Variants in DIAPH2 observed in about 807,000 individuals in gnomAD.
The protein encoded by DIAPH2 is diaphanous related formin 2, also known as protein diaphanous homolog 2.
A neutral mutation model predicts 92.7 loss-of-function variants in DIAPH2; 35 were observed. That is an observed-to-expected ratio of 0.38 (90% CI 0.29 to 0.50). The LOEUF (loss-of-function observed/expected upper bound fraction) is 0.50. Among genes scored for constraint, DIAPH2 ranks in the 20% least tolerant of loss-of-function variants. The probability of loss-of-function intolerance (pLI) is 0.94; values close to 1 mark genes in which losing one functional copy is unlikely to be tolerated. For synonymous variants in DIAPH2, 301 were observed against 280.4 expected (o/e 1.07, Z -0.73); for missense variants, 701 against 819.5 (o/e 0.86, Z 1.77).
chrX:96,813,839 T>G (rs944053899), intron 4 of DIAPH2, among the ~76,000 whole-genome samples: 7 of 112,058 alleles, frequency 6.2e-5, no homozygotes, highest in South Asian at 7.4e-4. Context: ...TTTAAGACTT[T>G]TGAATATTGG....
intron 13 of DIAPH2, among the ~76,000 whole-genome samples, chrX:96,945,138 A>G (rs1341363486): frequency 9.0e-6 from 1 of 110,854 alleles, no homozygotes. Flanking sequence ...TTGTAGGACA[A>G]TTTTGAATCT....
intron 19 of DIAPH2, among the ~76,000 whole-genome samples, chrX:97,075,989 A>G (rs981750902): frequency 1.2e-4 from 13 of 111,569 alleles, no homozygotes; most frequent in African/African-American, 3.6e-4. Context: ...CTAAACCTCT[A>G]TTTTCTCATT....
chrX:96,999,937 C>T (rs999914691), intron 17 of DIAPH2, among the ~76,000 whole-genome samples: 5 of 111,525 alleles, frequency 4.5e-5, no homozygotes, highest in Non-Finnish European at 7.5e-5. Flanking sequence ...TGCTTGCTGC[C>T]GTGTAAGACA....
chrX:96,745,548 T>C (rs1371639488), intron 3 of DIAPH2, among the ~76,000 whole-genome samples: 1 of 112,362 alleles, frequency 8.9e-6, no homozygotes, highest in Non-Finnish European at 1.9e-5. Context: ...GCAGTTCTCA[T>C]TGGATAGGCT....
intron 17 of DIAPH2, among the ~76,000 whole-genome samples, chrX:97,036,812 C>T (rs2066413756): frequency 9.0e-6 from 1 of 111,650 alleles, no homozygotes; most frequent in Admixed American, 9.5e-5. Context: ...TTTATGGGAA[C>T]ATGTTTGACT....
At chrX:97,123,922 A>G (rs1374917630) in intron 21 of DIAPH2, among the ~76,000 whole-genome samples, 1 of 112,480 alleles carries the variant, frequency 8.9e-6, no homozygotes, top group Non-Finnish European at 1.9e-5. Context: ...TGGTGCACAT[A>G]CAGATTGACT....
At chrX:96,768,342 A>G (rs1769231324) in intron 4 of DIAPH2, among the ~76,000 whole-genome samples, 1 of 111,821 alleles carries the variant, frequency 8.9e-6, no homozygotes, top group Admixed American at 9.5e-5. Flanking sequence ...TCTGAGTTTG[A>G]ATCCTGATTC....
In DIAPH2 at chrX:96,832,978, C is replaced by A. The variant is rs750585120; in HGVS notation, c.448-48601C>A. On this transcript the variant is annotated intron_variant, in intron 4 of 26. Transcript: ENST00000324765. ...AAGTATTGATTTTAGATAAAAATCACTTCTGTTTTAGATTTTTGTTATTTG... is the reference window on the plus strand; with the variant it reads ...AAGTATTGATTTTAGATAAAAATCAATTCTGTTTTAGATTTTTGTTATTTG... 4.6e-4 allele frequency among the ~76,000 whole-genome samples: 51 copies of A among 111,769 alleles called. 1 individual carries two copies. The highest frequency in any genetic ancestry group is 1.6e-3 in the African/African-American group (48 of 30,833).
At chrX:96,870,092 A>G (rs767942254) in intron 4 of DIAPH2, among the ~76,000 whole-genome samples, 1 of 110,956 alleles carries the variant, frequency 9.0e-6, no homozygotes, top group East Asian at 2.8e-4. Context: ...CTTGCTTCTG[A>G]CAGTTAGATA....
At chrX:97,544,573 G>A (rs1289704870) in intron 26 of DIAPH2, among the ~76,000 whole-genome samples, 1 of 111,942 alleles carries the variant, frequency 8.9e-6, no homozygotes, top group Non-Finnish European at 1.9e-5. Context: ...TGTGGAGGCT[G>A]TCTGAAAGCT....
chrX:96,755,761 G>T (rs2064224405), intron 3 of DIAPH2, among the ~76,000 whole-genome samples: 1 of 110,293 alleles, frequency 9.1e-6, no homozygotes, highest in African/African-American at 3.3e-5. Context: ...AGAGTAAAGG[G>T]ATAAAAATAC....
chrX:96,868,636 A>G (rs2065119743), intron 4 of DIAPH2, among the ~76,000 whole-genome samples: 1 of 111,472 alleles, frequency 9.0e-6, no homozygotes, highest in South Asian at 3.8e-4. Context: ...TCTATTTTGA[A>G]GGCACATATC....
chrX:96,717,379 G>A (rs2063955873), intron 1 of DIAPH2, among the ~76,000 whole-genome samples: 2 of 110,770 alleles, frequency 1.8e-5, no homozygotes, highest in South Asian at 7.6e-4. Context: ...AAGTCTGACT[G>A]TTACTGTGGA....
chrX:96,885,522 CTTA>C (rs2147752855), intron 5 of DIAPH2: 1 of 113,575 alleles, frequency 8.8e-6, no homozygotes, highest in Non-Finnish European at 1.8e-5. Context: ...TTGGATTTAG[CTTA>C]TTATAATGAT....
At chrX:97,187,356 A>G (rs1446962602) in intron 22 of DIAPH2, among the ~76,000 whole-genome samples, 2 of 86,106 alleles carry the variant, frequency 2.3e-5, no homozygotes, top group Non-Finnish European at 4.3e-5. Flanking sequence ...GCTCACTGCA[A>G]CCTCTGTCTC....
At chrX:96,761,469 G>A (rs1178969097) in intron 4 of DIAPH2, among the ~76,000 whole-genome samples, 2 of 109,449 alleles carry the variant, frequency 1.8e-5, no homozygotes, top group East Asian at 5.7e-4. Flanking sequence ...ATGTGTATGT[G>A]TATACATGTA....
intron 23 of DIAPH2, among the ~76,000 whole-genome samples, chrX:97,248,196 G>A (rs1291145523): frequency 9.1e-6 from 1 of 110,120 alleles, no homozygotes; most frequent in African/African-American, 3.3e-5. Flanking sequence ...GTTTTTTTTT[G>A]TCTGAGATTT....
At chrX:96,961,551 T>C (rs2065848767) in intron 16 of DIAPH2, among the ~76,000 whole-genome samples, 1 of 109,453 alleles carries the variant, frequency 9.1e-6, no homozygotes, top group Non-Finnish European at 1.9e-5. Context: ...ATCTTTATTA[T>C]TTTTTTCCTT....
In DIAPH2 at chrX:97,269,118, G is replaced by C. The variant is rs371335845; in HGVS notation, c.2844+21279G>C. On this transcript the variant is annotated intron_variant, in intron 23 of 26. Transcript: ENST00000324765. ...GATCCACCCGCATCCGCCTCCCAGAGTGCTGGGATTACAGGCGTGAGCCAC... is the reference window on the plus strand; with the variant it reads ...GATCCACCCGCATCCGCCTCCCAGACTGCTGGGATTACAGGCGTGAGCCAC... 1.9e-4 allele frequency among the ~76,000 whole-genome samples: 21 copies of C among 111,740 alleles called. No homozygotes were observed. The South Asian group carries it at 7.4e-3, about 39-fold the overall frequency.
Sources: gnomAD v4.1 joint callset for allele counts (sites outside exome capture counted in the v4.1 genomes callset) on GRCh38, gnomAD v4.1.1 for gene constraint, MANE v1.5 for transcripts, NCBI Gene and HGNC (gene_info 2026-07-23, HGNC 2026-07-21) for gene names.